Variants in HSD17B3 observed in about 807,000 individuals in gnomAD.
HSD17B3 encodes hydroxysteroid 17-beta dehydrogenase 3, also known as 17-beta-hydroxysteroid dehydrogenase type 3.
Under a neutral mutation model 41.1 loss-of-function variants are expected in HSD17B3, and 29 were observed. The observed-to-expected ratio is 0.71, with a 90% CI of 0.53 to 0.96. The LOEUF is 0.96. Among genes scored for constraint, HSD17B3 ranks in the 40% least tolerant of loss-of-function variants. The pLI is 0.00. For synonymous variants in HSD17B3, 126 were observed against 145.6 expected, an observed-to-expected ratio of 0.87 and a Z score of 0.97; for missense variants, 323 against 374.6, an observed-to-expected ratio of 0.86 and a Z score of 1.14.
chr9:96,251,787 C>A (rs570137333), intron 4 of HSD17B3, among the ~76,000 whole-genome samples: 1 of 152,168 alleles, frequency 6.6e-6, no homozygotes, highest in South Asian at 2.1e-4. Context: ...CGTATAATTC[C>A]AGTTTTGAAA....
In HSD17B3 at chr9:96,258,480, C is replaced by T. The variant is rs139463383; in HGVS notation, c.202-3537G>A. On this transcript the variant is annotated intron_variant, in intron 2 of 10. Transcript: ENST00000375263. ...CCACTGACCTATTTATCAATCTCCA[C>T]GCCAGGGCCACTTCTGATTTAATCA... Among the ~76,000 whole-genome samples the T allele has an allele frequency of 2.2e-3, 337 of 152,306 alleles. 3 individuals carry two copies. Among genetic ancestry groups the T allele is most frequent in the African/African-American group, 7.1e-3 (295 of 41,576 alleles).
At chr9:96,280,678 G>T (rs1587770774) in intron 2 of HSD17B3, among the ~76,000 whole-genome samples, 1 of 152,124 alleles carries the variant, frequency 6.6e-6, no homozygotes, top group Admixed American at 6.5e-5. Context: ...GTGAAATGAG[G>T]CTGAGACCTA....
chr9:96,273,409 C>A (rs1393913481), intron 2 of HSD17B3, among the ~76,000 whole-genome samples: 1 of 152,232 alleles, frequency 6.6e-6, no homozygotes, highest in Non-Finnish European at 1.5e-5. Context: ...CCCCATCTCC[C>A]AGTCTGGCAC....
At chr9:96,247,863 C>T (rs1393419390) in intron 6 of HSD17B3, among the ~76,000 whole-genome samples, 3 of 152,070 alleles carry the variant, frequency 2.0e-5, no homozygotes, top group East Asian at 1.9e-4. Context: ...ATCCCTGCCC[C>T]GAAAGAGAAC....
chr9:96,261,593 G>A (rs1210956918), intron 2 of HSD17B3, among the ~76,000 whole-genome samples: 10 of 152,220 alleles, frequency 6.6e-5, no homozygotes, highest in Admixed American at 6.5e-4. Flanking sequence ...AGGGTGGGGT[G>A]CATTCGCCAG....
At chr9:96,266,947 A>G (rs1275677640) in intron 2 of HSD17B3, among the ~76,000 whole-genome samples, 2 of 152,054 alleles carry the variant, frequency 1.3e-5, no homozygotes, top group Non-Finnish European at 2.9e-5. Context: ...ACCTTGAGGC[A>G]CTTGCTTAGG....
chr9:96,279,776 CT>C (rs567549720), intron 2 of HSD17B3, among the ~76,000 whole-genome samples: 382 of 144,960 alleles, frequency 2.6e-3, no homozygotes, highest in Non-Finnish European at 2.6e-3. Context: ...CTTTGTCACT[CT>C]TTTTTTTTTT....
chr9:96,267,145 G>A (rs1218845144), intron 2 of HSD17B3, among the ~76,000 whole-genome samples: 1 of 135,388 alleles, frequency 7.4e-6, no homozygotes, highest in Non-Finnish European at 1.6e-5. Flanking sequence ...ACAGCGCCAG[G>A]CAAAAGACAA....
At chr9:96,298,219 T>C (rs1827438684) in intron 2 of HSD17B3, among the ~76,000 whole-genome samples, 197 bp downstream of exon 2, 4 of 152,224 alleles carry the variant, frequency 2.6e-5, no homozygotes, top group Admixed American at 2.6e-4. Context: ...ACTGTCACCT[T>C]TGAATATCAT....
At chr9:96,249,830 G>T in intron 5 of HSD17B3, 44 bp from the exon 6 acceptor site, 1 of 1,613,730 alleles carries the variant, frequency 6.2e-7, no homozygotes, top group Non-Finnish European at 8.5e-7. Flanking sequence ...GATGATTAGA[G>T]AAATTCTCCT....
chr9:96,291,534 G>T (rs1466902406), intron 2 of HSD17B3, among the ~76,000 whole-genome samples: 1 of 152,152 alleles, frequency 6.6e-6, no homozygotes, highest in Non-Finnish European at 1.5e-5. Context: ...AAATGTTGAG[G>T]ATTCAGTCAA....
intron 6 of HSD17B3, among the ~76,000 whole-genome samples, chr9:96,247,520 G>A (rs948190628): frequency 6.6e-6 from 1 of 152,194 alleles, no homozygotes; most frequent in African/African-American, 2.4e-5. Flanking sequence ...CTTCGCTGCT[G>A]GGGGGCCAGG....
intron 2 of HSD17B3, among the ~76,000 whole-genome samples, chr9:96,264,787 T>C (rs984860546): frequency 2.6e-5 from 4 of 152,256 alleles, no homozygotes; most frequent in African/African-American, 7.2e-5. Context: ...ATAGCCATGA[T>C]AGAAAATTTA....
At chr9:96,236,345 C>CG (rs1398792977) in intron 10 of HSD17B3, among the ~76,000 whole-genome samples, 1 of 151,204 alleles carries the variant, frequency 6.6e-6, no homozygotes, top group Admixed American at 6.6e-5. Context: ...GGTGAAACCC[C>CG]GTCTCTACTA....
At position 96,245,363 on chromosome 9, in the gene HSD17B3, G is replaced by T. The variant is rs374922646; in HGVS notation, c.588C>A (p.Ser196=). 152 of 1,613,050 alleles carry T rather than the reference G, an allele frequency of 9.4e-5. No individual in the cohort carries two copies. The highest frequency in any genetic ancestry group is 1.2e-4 in the Non-Finnish European group (145 of 1,179,126). ...GIALFPWPLY[S]MYSASKAFVC... ...CACTCACCTTGGAAGCTGAGTACATGGAGTAGAGAGGCCAAGGAAACAGGG... is the reference window on the plus strand; with the variant it reads ...CACTCACCTTGGAAGCTGAGTACATTGAGTAGAGAGGCCAAGGAAACAGGG... Residue 196 remains serine (S), a synonymous_variant, in exon 8 of 11, where the codon TCC becomes TCA. Transcript: ENST00000375263.
rs867562215 is a variant in HSD17B3, at chr9:96,272,425, A to C, written c.202-17482T>G. ...TCTCTCTATATATATATATATATAT[A>C]TATATATATATATATATATATAAAA... On this transcript the variant is annotated intron_variant, in intron 2 of 10. Transcript: ENST00000375263. Among the ~76,000 whole-genome samples the C allele has an allele frequency of 3.9e-3, 181 of 46,230 alleles. 2 individuals are homozygous for C. Among genetic ancestry groups the C allele is most frequent in the Non-Finnish European group, 5.0e-3 (113 of 22,492 alleles). 30.3% of individuals were successfully genotyped at this position (46,230 alleles called of 152,430 possible).
Position 96,298,427 on chromosome 9 carries a change from A to G in HSD17B3, c.190T>C (p.Tyr64His). The G allele has an allele frequency of 6.2e-7, 1 of 1,613,738 alleles. No individual in the cohort carries two copies. ...GGAAGATAGCTTACCTCGAACGAGT[A>G]CGCTTTCCCAATTCCATCGCCTGCT... Reference protein sequence around the residue: ...TGAGDGIGKAYSFELAKRGLN... With the variant: ...TGAGDGIGKAHSFELAKRGLN... The change falls in exon 2 of 11, where the codon TAC becomes CAC. Residue 64 changes from tyrosine to histidine, a missense_variant. Tyr to His is a moderately conservative substitution (Grantham distance 83, BLOSUM62 2). Coordinates refer to ENST00000375263, the MANE Select transcript of HSD17B3 (RefSeq NM_000197.2).
At chr9:96,259,598 GTA>G (rs1236742932) in intron 2 of HSD17B3, among the ~76,000 whole-genome samples, 1 of 152,076 alleles carries the variant, frequency 6.6e-6, no homozygotes, top group Non-Finnish European at 1.5e-5. Context: ...GCGCATGCCT[GTA>G]GCCCCAGCTA....
chr9:96,280,904 G>A (rs994484720), intron 2 of HSD17B3, among the ~76,000 whole-genome samples: 3 of 152,144 alleles, frequency 2.0e-5, no homozygotes, highest in African/African-American at 7.2e-5. Flanking sequence ...AAATGCCAGG[G>A]CAATGTCAGG....
Sources: gnomAD v4.1 joint callset for allele counts (sites outside exome capture counted in the v4.1 genomes callset) on GRCh38, gnomAD v4.1.1 for gene constraint, MANE v1.5 for transcripts, NCBI Gene and HGNC (gene_info 2026-07-23, HGNC 2026-07-21) for gene names.